DTNB: variants seen among roughly 807,000 people sequenced by gnomAD.
The protein encoded by DTNB is dystrobrevin beta.
DTNB carries 63 observed loss-of-function variants against 90.7 expected under a neutral mutation model. The observed-to-expected ratio is 0.69, with a 90% confidence interval of 0.57 to 0.86. DTNB has a LOEUF of 0.86. Among genes scored for constraint, DTNB ranks in the 40% least tolerant of loss-of-function variants. The pLI is 0.00. For synonymous variants in DTNB, 277 were observed against 286.7 expected (o/e 0.97, Z 0.34); for missense variants, 744 against 807.1 (o/e 0.92, Z 0.95).
chr2:25,407,000 T>C (rs1229699218), intron 16 of DTNB, among the ~76,000 whole-genome samples: 3 of 152,146 alleles, frequency 2.0e-5, no homozygotes, highest in Non-Finnish European at 4.4e-5. Context: ...TATATATACA[T>C]TTAAATTAAT....
rs58871909 is a variant in DTNB at position 25,503,053 on chromosome 2, C to CAAAAAAAAAA, written c.1002-20190_1002-20181dup. On this transcript the variant is annotated intron_variant, in intron 9 of 20. Transcript: ENST00000406818. ...AGAGTGACAGAGCAAGACCCTATCTCAAAAAAAAAAAAAAAAAAAAAAAAA... is the reference window on the plus strand; with the variant it reads ...AGAGTGACAGAGCAAGACCCTATCTCAAAAAAAAAAAAAAAAAAAAAAAAAAAAAAAAAAA... 1.3e-4 allele frequency among the ~76,000 whole-genome samples: 2 copies of CAAAAAAAAAA among 15,358 alleles called. 1 individual carries two copies. The allele number at this position is 15,358 out of a possible 152,430, so 10.1% of individuals were successfully genotyped here. A position where few individuals can be genotyped will look rare whatever the true frequency, so the allele number is the denominator to read the frequency against.
At chr2:25,397,940 C>A (rs1465697939) in intron 16 of DTNB, among the ~76,000 whole-genome samples, 1 of 146,284 alleles carries the variant, frequency 6.8e-6, no homozygotes, top group Non-Finnish European at 1.5e-5. Context: ...CACTGTAAGA[C>A]AGATGGCCCA....
chr2:25,593,177 T>C (rs2063884327), intron 6 of DTNB, among the ~76,000 whole-genome samples: 1 of 152,234 alleles, frequency 6.6e-6, no homozygotes, highest in Non-Finnish European at 1.5e-5. Flanking sequence ...ATTTTCAGCT[T>C]CTTTCTTAAA....
At chr2:25,383,786 T>C (rs1369099845) in intron 19 of DTNB, 50 bp downstream of exon 19, 1 of 1,613,952 alleles carries the variant, frequency 6.2e-7, no homozygotes, top group East Asian at 2.2e-5. Context: ...GGCTGATCCA[T>C]GAGCTCGGGC....
chr2:25,438,877 C>T (rs1348409505), intron 12 of DTNB, among the ~76,000 whole-genome samples: 1 of 152,208 alleles, frequency 6.6e-6, no homozygotes, highest in African/African-American at 2.4e-5. Flanking sequence ...GAAAATGGCA[C>T]TTTACCTTTT....
chr2:25,531,394 T>C lies in DTNB; in HGVS notation c.1001+79A>G, dbSNP rs576343630. 3.8e-5 allele frequency: 58 copies of C among 1,544,602 alleles called. 1 individual carries two copies. In the South Asian group the frequency reaches 5.5e-4, roughly 15 times the overall value. Reference sequence around the variant, plus strand: ...GAAGTTGAATGGTCATGTTAAGTGATCCCTGGTTTTGATCCACAGGAATTT... The same window carrying C: ...GAAGTTGAATGGTCATGTTAAGTGACCCCTGGTTTTGATCCACAGGAATTT... On this transcript the variant is annotated intron_variant, in intron 9 of 20. Coordinates refer to ENST00000406818, the MANE Select transcript of DTNB (RefSeq NM_021907.5).
intron 16 of DTNB, among the ~76,000 whole-genome samples, chr2:25,397,295 G>A (rs1573821865): frequency 6.8e-6 from 1 of 146,336 alleles, no homozygotes; most frequent in Admixed American, 7.0e-5. Flanking sequence ...CTGAGATAGC[G>A]CCACTGCACT....
At chr2:25,654,457 C>A (rs2081657968) in intron 1 of DTNB, among the ~76,000 whole-genome samples, 1 of 152,146 alleles carries the variant, frequency 6.6e-6, no homozygotes, top group Admixed American at 6.5e-5. Flanking sequence ...ATCATCCAGT[C>A]CAAAACAGCC....
intron 5 of DTNB, among the ~76,000 whole-genome samples, chr2:25,604,442 CACT>C (rs1212861754): frequency 6.6e-6 from 1 of 151,384 alleles, no homozygotes; most frequent in East Asian, 1.9e-4. Flanking sequence ...AGTCTCACTC[CACT>C]ACCCAGGCTG....
intron 8 of DTNB, among the ~76,000 whole-genome samples, chr2:25,560,142 G>A (rs1283830295): frequency 1.3e-5 from 2 of 152,204 alleles, no homozygotes; most frequent in Non-Finnish European, 2.9e-5. Context: ...CCAGCTACTC[G>A]GGAGGCTGAG....
Position 25,649,247 on chromosome 2 carries a change from C to T in DTNB, c.67+3347G>A, listed in dbSNP as rs958044973. On this transcript the variant is annotated intron_variant, in intron 2 of 20. Coordinates refer to ENST00000406818, the MANE Select transcript of DTNB (RefSeq NM_021907.5). Reference sequence around the variant, plus strand: ...GTCTCAATCTCCTGATCTCACGACCCGCCTGCCTTGGCCTCCGAAAGTGCT... The same window carrying T: ...GTCTCAATCTCCTGATCTCACGACCTGCCTGCCTTGGCCTCCGAAAGTGCT... Among the ~76,000 whole-genome samples the T allele has an allele frequency of 3.3e-5, 5 of 152,130 alleles. No individual in the cohort carries two copies. The South Asian group carries it at 1.0e-3, about 32-fold the overall frequency.
chr2:25,455,599 T>C (rs2059905361), intron 10 of DTNB, 105 bp from the exon 11 acceptor site: 1 of 935,412 alleles, frequency 1.1e-6, no homozygotes, highest in East Asian at 2.7e-5. Context: ...ATTTAAAAAA[T>C]AATAAATCAT....
At chr2:25,670,882 T>C (rs757758552) in intron 1 of DTNB, among the ~76,000 whole-genome samples, 2 of 152,144 alleles carry the variant, frequency 1.3e-5, no homozygotes, top group Non-Finnish European at 2.9e-5. Flanking sequence ...GTGACGAAAT[T>C]TTGTGCCATC....
chr2:25,672,070 A>C (rs1158808511), intron 1 of DTNB, among the ~76,000 whole-genome samples: 1 of 152,078 alleles, frequency 6.6e-6, no homozygotes, highest in Non-Finnish European at 1.5e-5. Flanking sequence ...CAACAGGCCA[A>C]GGAGCAAGCT....
intron 6 of DTNB, among the ~76,000 whole-genome samples, chr2:25,595,698 C>T (rs776053197): frequency 2.6e-5 from 4 of 152,120 alleles, no homozygotes; most frequent in East Asian, 1.9e-4. Context: ...AGCTATACAG[C>T]GTTCCCTGTC....
chr2:25,555,107 T>C (rs577920105), intron 8 of DTNB, among the ~76,000 whole-genome samples: 6 of 152,038 alleles, frequency 3.9e-5, no homozygotes, highest in African/African-American at 7.2e-5. Context: ...CCATCCTGGC[T>C]AACACGATGA....
intron 16 of DTNB, among the ~76,000 whole-genome samples, chr2:25,404,917 C>T (rs762064748): frequency 2.6e-5 from 4 of 152,048 alleles, no homozygotes; most frequent in Non-Finnish European, 4.4e-5. Context: ...AAATCCAACT[C>T]GCCACCATTA....
intron 12 of DTNB, among the ~76,000 whole-genome samples, chr2:25,450,135 G>A (rs2059056318): frequency 6.6e-6 from 1 of 152,106 alleles, no homozygotes; most frequent in Non-Finnish European, 1.5e-5. Context: ...AGAGAATGAA[G>A]AATTATTCTC....
chr2:25,553,605 T>C (rs1388561463), intron 8 of DTNB, among the ~76,000 whole-genome samples: 1 of 151,742 alleles, frequency 6.6e-6, no homozygotes, highest in Non-Finnish European at 1.5e-5. Flanking sequence ...CCGGGTGTGG[T>C]GGCAGGCGCC....
Sources: gnomAD v4.1 joint callset for allele counts (sites outside exome capture counted in the v4.1 genomes callset) on GRCh38, gnomAD v4.1.1 for gene constraint, MANE v1.5 for transcripts, NCBI Gene and HGNC (gene_info 2026-07-23, HGNC 2026-07-21) for gene names.